Variants in ALDH1A1 observed in about 807,000 individuals in gnomAD.
ALDH1A1 encodes the protein aldehyde dehydrogenase 1A1.
In ALDH1A1, 19 loss-of-function variants were observed where a neutral mutation model predicts 62.1. That is an observed-to-expected ratio of 0.31 (90% CI 0.21 to 0.45). The LOEUF (loss-of-function observed/expected upper bound fraction) is 0.45. ALDH1A1 is among the 20% of genes least tolerant of loss of function. The pLI is 1.00. For missense variants in ALDH1A1, 521 were observed against 607.1 expected, an observed-to-expected ratio of 0.86 and a Z score of 1.49; for synonymous variants, 231 against 215.9, an observed-to-expected ratio of 1.07 and a Z score of -0.61.
At chr9:72,923,885 G>A in intron 7 of ALDH1A1, 134 bp downstream of exon 7, 2 of 577,610 alleles carry the variant, frequency 3.5e-6, no homozygotes, top group South Asian at 4.9e-5. Flanking sequence ...TATGTTTGAA[G>A]GCTAAAATAA....
At chr9:72,910,171 G>A (rs1829964739) in intron 10 of ALDH1A1, among the ~76,000 whole-genome samples, 1 of 152,064 alleles carries the variant, frequency 6.6e-6, no homozygotes, top group African/African-American at 2.4e-5. Flanking sequence ...CTGGATAAAT[G>A]AATAGGCAAT....
chr9:72,924,261 G>A, intron 6 of ALDH1A1, 129 bp from the exon 7 acceptor site: 1 of 597,966 alleles, frequency 1.7e-6, no homozygotes, highest in Non-Finnish European at 2.9e-6. Context: ...TCACCCAACT[G>A]GCTCTATTCT....
At chr9:72,946,498 T>C (rs185223806) in intron 1 of ALDH1A1, among the ~76,000 whole-genome samples, 6 of 152,100 alleles carry the variant, frequency 3.9e-5, no homozygotes, top group African/African-American at 1.4e-4. Context: ...TCTCAAGCAA[T>C]GCTTCTAAGT....
intron 2 of ALDH1A1, among the ~76,000 whole-genome samples, chr9:72,939,789 A>G (rs933464074): frequency 6.6e-5 from 10 of 152,072 alleles, no homozygotes; most frequent in African/African-American, 2.4e-4. Flanking sequence ...AAGTGCTGGG[A>G]TTACAGGTGT....
chr9:72,904,423 C>T (rs1327138340), intron 12 of ALDH1A1, among the ~76,000 whole-genome samples: 1 of 152,098 alleles, frequency 6.6e-6, no homozygotes, highest in Non-Finnish European at 1.5e-5. Flanking sequence ...CAACAAAATT[C>T]ACTAGCCCCT....
chr9:72,915,037 T>C (rs1830043345), intron 9 of ALDH1A1, among the ~76,000 whole-genome samples: 1 of 152,150 alleles, frequency 6.6e-6, no homozygotes, highest in Non-Finnish European at 1.5e-5. Flanking sequence ...CTTTTTAGTC[T>C]TTTGTTTCTC....
chr9:72,912,780 G>A (rs1365655585), intron 9 of ALDH1A1, among the ~76,000 whole-genome samples: 1 of 152,136 alleles, frequency 6.6e-6, no homozygotes, highest in Non-Finnish European at 1.5e-5. Context: ...CTAACTATGT[G>A]CCAAGTATTA....
At chr9:72,911,515 C>CTCCA in intron 10 of ALDH1A1, among the ~76,000 whole-genome samples, 1 of 152,166 alleles carries the variant, frequency 6.6e-6, no homozygotes, top group African/African-American at 2.4e-5. Context: ...AACCCTCATC[C>CTCCA]TCCACTCCCC....
intron 11 of ALDH1A1, among the ~76,000 whole-genome samples, chr9:72,908,434 C>CAAAAAAAAAAAAAA (rs386415096): frequency 4.0e-4 from 1 of 2,484 alleles, no homozygotes; most frequent in Non-Finnish European, 7.1e-4. Flanking sequence ...GACTCCAGCT[C>CAAAAAAAAAAAAAA]AAAAAAAAAA....
At chr9:72,942,873 T>C (rs1830432757) in intron 1 of ALDH1A1, among the ~76,000 whole-genome samples, 1 of 152,156 alleles carries the variant, frequency 6.6e-6, no homozygotes, top group Non-Finnish European at 1.5e-5. Context: ...TTTAATCTCT[T>C]TTTTCTTCTT....
chr9:72,934,854 C>A (rs917377867), intron 2 of ALDH1A1, among the ~76,000 whole-genome samples: 1 of 152,142 alleles, frequency 6.6e-6, no homozygotes, highest in African/African-American at 2.4e-5. Flanking sequence ...GTAGAATCAA[C>A]CTTTGATCCC....
intron 11 of ALDH1A1, 58 bp downstream of exon 11, chr9:72,909,544 T>TA: frequency 1.4e-6 from 2 of 1,462,454 alleles, no homozygotes; most frequent in Non-Finnish European, 1.8e-6. Context: ...AAGTTCAAGG[T>TA]AGTAATCTGT....
intron 2 of ALDH1A1, among the ~76,000 whole-genome samples, chr9:72,936,552 G>C (rs1411840940): frequency 6.6e-6 from 1 of 152,114 alleles, no homozygotes; most frequent in Non-Finnish European, 1.5e-5. Context: ...CAAGCAACTA[G>C]AGGAACATTT....
intron 9 of ALDH1A1, among the ~76,000 whole-genome samples, chr9:72,916,579 T>C (rs1830067384): frequency 6.6e-6 from 1 of 152,014 alleles, no homozygotes; most frequent in African/African-American, 2.4e-5. Flanking sequence ...ATGGTAGGAA[T>C]GTATAAGAAT....
intron 11 of ALDH1A1, among the ~76,000 whole-genome samples, chr9:72,908,644 C>T (rs1421578221): frequency 1.3e-5 from 2 of 150,796 alleles, no homozygotes; most frequent in Non-Finnish European, 2.9e-5. Context: ...TTGCATAGGT[C>T]TGATCTAGGT....
At chr9:72,952,399 T>G (rs1295691414) in intron 1 of ALDH1A1, among the ~76,000 whole-genome samples, 1 of 151,962 alleles carries the variant, frequency 6.6e-6, no homozygotes, top group African/African-American at 2.4e-5. Flanking sequence ...ATGCTTTTCT[T>G]CCTCCCACCA....
At position 72,930,903 on chromosome 9, in the gene ALDH1A1, G is replaced by C; in HGVS notation, c.288C>G (p.Ile96Met). The C allele has an allele frequency of 1.2e-6, 2 of 1,613,926 alleles. No individual in the cohort carries two copies. The highest frequency in any genetic ancestry group is 1.7e-6 in the Non-Finnish European group (2 of 1,179,912). The change falls in exon 3 of 13, where the codon ATC (isoleucine) becomes ATG (methionine). Residue 96 changes from isoleucine to methionine, a missense_variant. Ile to Met is a conservative substitution (Grantham distance 10). Coordinates refer to ENST00000297785, the MANE Select transcript of ALDH1A1 (RefSeq NM_000689.5). ...CCGCCAGCAGCAGACGATCTCTTTC[G>C]ATTAAATCAGCCAACTTGTATAATA... ...GRLLYKLADL[I>M]ERDRLLLATM...
chr9:72,938,587 C>T (rs1218695961), intron 2 of ALDH1A1, among the ~76,000 whole-genome samples: 1 of 152,146 alleles, frequency 6.6e-6, no homozygotes, highest in African/African-American at 2.4e-5. Context: ...GCTGAAATTA[C>T]AGGCATGCGC....
In ALDH1A1 at chr9:72,909,666, C is replaced by T. The variant is rs569483838; in HGVS notation, c.1294G>A (p.Val432Met). ...GCTTTATCAATGTCTTTGGTAAACA[C>T]TCCTGCTGATAAGCCATAGAAAGTA... ...NNTFYGLSAG[V>M]FTKDIDKAIT... Residue 432 changes from valine to methionine, a missense_variant, in exon 11 of 13, where the codon GTG becomes ATG. Coordinates refer to ENST00000297785, the MANE Select transcript of ALDH1A1 (RefSeq NM_000689.5). 1 of 1,613,970 alleles carries T rather than the reference C, an allele frequency of 6.2e-7. No individual in the cohort carries two copies. Among genetic ancestry groups the T allele is most frequent in the South Asian group, 1.1e-5 (1 of 91,078 alleles).
Sources: gnomAD v4.1 joint callset for allele counts (sites outside exome capture counted in the v4.1 genomes callset) on GRCh38, gnomAD v4.1.1 for gene constraint, MANE v1.5 for transcripts, NCBI Gene and HGNC (gene_info 2026-07-23, HGNC 2026-07-21) for gene names.